Variants in CNTNAP3B observed in about 807,000 individuals in gnomAD.
CNTNAP3B encodes the protein contactin-associated protein-like 3B.
CNTNAP3B carries 25 observed loss-of-function variants against 108.9 expected under a neutral mutation model. The observed-to-expected ratio is 0.23, with a 90% CI of 0.17 to 0.32. The LOEUF is 0.32. Ranked by LOEUF, CNTNAP3B falls within the 10% of genes least tolerant of loss-of-function variation. CNTNAP3B has a pLI of 1.00. For synonymous variants in CNTNAP3B, 103 were observed against 473.4 expected, an observed-to-expected ratio of 0.22 and a Z score of 10.16; for missense variants, 252 against 1,210.4, an observed-to-expected ratio of 0.21 and a Z score of 11.75.
intron 9 of CNTNAP3B, chr9:41,979,782 T>C (rs1825589520): frequency 9.5e-6 from 1 of 105,426 alleles, no homozygotes; most frequent in Admixed American, 1.1e-4. Context: ...AGATACAGGG[T>C]TTCACCATTT....
At chr9:41,935,616 C>T (rs1321037300) in intron 14 of CNTNAP3B, among the ~76,000 whole-genome samples, 2 of 152,240 alleles carry the variant, frequency 1.3e-5, no homozygotes, top group Non-Finnish European at 2.9e-5. Flanking sequence ...ATTTCCCACC[C>T]CCATACACAC....
chr9:41,934,138 T>TACACACAC lies in CNTNAP3B; in HGVS notation c.2237+4105_2237+4106insGTGTGTGT, dbSNP rs1327013022. On this transcript the variant is annotated intron_variant, in intron 14 of 23. Coordinates refer to ENST00000377561, the MANE Select transcript of CNTNAP3B (RefSeq NM_001201380.3). ...ATATATATATACACACACATATATA[T>TACACACAC]ATACACACACATATATATACACACA... 1.2e-4 allele frequency among the ~76,000 whole-genome samples: 16 copies of TACACACAC among 135,512 alleles called. No individual in the cohort carries two copies. The South Asian group carries it at 3.1e-3, about 26-fold the overall frequency. The allele number at this position is 135,512 out of a possible 152,430, so 88.9% of individuals were successfully genotyped here. A position where few individuals can be genotyped will look rare whatever the true frequency, so the allele number is the denominator to read the frequency against.
rs924132248 is a variant in CNTNAP3B at position 41,925,548 on chromosome 9, C to G, written c.2366-1455G>C. On this transcript the variant is annotated intron_variant, in intron 15 of 23. Coordinates refer to ENST00000377561, the MANE Select transcript of CNTNAP3B (RefSeq NM_001201380.3). The stretch of plus-strand genomic sequence containing the variant: ...GCGGAGCTTGCAGTGAGCCGAGATC[C>G]TGCCACTGCACTCCAGCCTGCGCAA... Among the ~76,000 whole-genome samples the G allele has an allele frequency of 7.2e-5, 11 of 152,358 alleles. No homozygotes were observed. In the South Asian group the frequency reaches 8.3e-4, roughly 11 times the overall value.
intron 3 of CNTNAP3B, among the ~76,000 whole-genome samples, chr9:42,070,515 T>A (rs1367608617): frequency 7.0e-6 from 1 of 142,010 alleles, no homozygotes; most frequent in Non-Finnish European, 1.5e-5. Context: ...TCGCTGCCCA[T>A]CACTGGCTCA....
In CNTNAP3B at chr9:42,117,249, C is replaced by G. The variant is rs563884204; in HGVS notation, c.85+11761G>C. ...TCTTCTCAGCACCACATCACACTTA[C>G]TCCAAAATTGACCACATAGTTGGAA... On this transcript the variant is annotated intron_variant, in intron 1 of 23. Transcript: ENST00000377561. 7.2e-4 allele frequency among the ~76,000 whole-genome samples: 96 copies of G among 133,764 alleles called. 4 individuals carry two copies. The highest frequency in any genetic ancestry group is 3.5e-3 in the Middle Eastern group (1 of 288). The allele number at this position is 133,764 out of a possible 152,430, so 87.8% of individuals were successfully genotyped here.
rs1352806244 is a variant in CNTNAP3B at position 42,088,360 on chromosome 9, G to A, written c.197-11298C>T. On this transcript the variant is annotated intron_variant, in intron 2 of 23. Transcript: ENST00000377561. Reference sequence around the variant, plus strand: ...AAAAATAATTTTTAAAGTGACCCAAGAGAATCAGACCAGCCAAATATTTCT... The same window carrying A: ...AAAAATAATTTTTAAAGTGACCCAAAAGAATCAGACCAGCCAAATATTTCT... Among the ~76,000 whole-genome samples, 5 of 134,806 alleles carry A rather than the reference G, an allele frequency of 3.7e-5. 1 individual carries two copies. The highest frequency in any genetic ancestry group is 6.0e-5 in the African/African-American group (2 of 33,286). The allele number at this position is 134,806 out of a possible 152,430, so 88.4% of individuals were successfully genotyped here. A position where few individuals can be genotyped will look rare whatever the true frequency, so the allele number is the denominator to read the frequency against.
In CNTNAP3B at chr9:42,116,012, G is replaced by A. The variant is rs1373411901; in HGVS notation, c.86-11273C>T. On this transcript the variant is annotated intron_variant, in intron 1 of 23. Transcript: ENST00000377561. ...ATGGCTAACTAGAATAAACAGCGTA[G>A]AGAAGACCTTAAATGACCAGATGGA... Among the ~76,000 whole-genome samples, 7 of 139,052 alleles carry A rather than the reference G, an allele frequency of 5.0e-5. 2 individuals are homozygous for A. Among genetic ancestry groups the A allele is most frequent in the African/African-American group, 2.0e-4 (7 of 34,896 alleles). 91.2% of individuals were successfully genotyped at this position (139,052 alleles called of 152,430 possible).
At chr9:42,041,786 C>A (rs1324970804) in intron 3 of CNTNAP3B, among the ~76,000 whole-genome samples, 1 of 139,496 alleles carries the variant, frequency 7.2e-6, no homozygotes, top group African/African-American at 2.8e-5. Flanking sequence ...GACACATGCA[C>A]GTGTGTTTAT....
chr9:41,997,232 G>T (rs991710133), intron 6 of CNTNAP3B, among the ~76,000 whole-genome samples: 1 of 151,076 alleles, frequency 6.6e-6, no homozygotes, highest in African/African-American at 2.4e-5. Flanking sequence ...CCAGGAATCT[G>T]CATAGTCAAA....
At chr9:42,117,252 C>T (rs942814239) in intron 1 of CNTNAP3B, among the ~76,000 whole-genome samples, 1 of 133,610 alleles carries the variant, frequency 7.5e-6, no homozygotes, top group East Asian at 2.3e-4. Flanking sequence ...ACACTTACTC[C>T]AAAATTGACC....
chr9:42,119,190 C>CT lies in CNTNAP3B; in HGVS notation c.85+9819_85+9820insA, dbSNP rs1348827229. Among the ~76,000 whole-genome samples, 2 of 104,388 alleles carry CT rather than the reference C, an allele frequency of 1.9e-5. 1 individual carries two copies. Among genetic ancestry groups the CT allele is most frequent in the Non-Finnish European group, 3.9e-5 (2 of 51,734 alleles). The allele number at this position is 104,388 out of a possible 152,430, so 68.5% of individuals were successfully genotyped here. A position where few individuals can be genotyped will look rare whatever the true frequency, so the allele number is the denominator to read the frequency against. On this transcript the variant is annotated intron_variant, in intron 1 of 23. Coordinates refer to ENST00000377561, the MANE Select transcript of CNTNAP3B (RefSeq NM_001201380.3). ...AGCATTCTTATACACCAATAACAGA[C>CT]AAACAGAGAGCCAAATCATGAGTGA...
intron 13 of CNTNAP3B, among the ~76,000 whole-genome samples, chr9:41,938,993 G>A (rs564824238): frequency 3.1e-4 from 47 of 152,316 alleles, no homozygotes; most frequent in African/African-American, 1.1e-3. Context: ...AATTTCTCAT[G>A]CGAAGAAACA....
intron 1 of CNTNAP3B, among the ~76,000 whole-genome samples, chr9:42,121,746 GCTCA>G (rs1466983203): frequency 7.1e-6 from 1 of 140,028 alleles, no homozygotes; most frequent in Non-Finnish European, 1.5e-5. Flanking sequence ...ATAGGTAAGA[GCTCA>G]CTATTTCTTA....
intron 3 of CNTNAP3B, among the ~76,000 whole-genome samples, chr9:42,030,750 C>CAGAGAGACAGAGAGAGAG (rs1335836899): frequency 3.3e-5 from 2 of 60,436 alleles, no homozygotes; most frequent in African/African-American, 1.5e-4. Flanking sequence ...GAAAGAGATA[C>CAGAGAGACAGAGAGAGAG]AGAGAGAGAG....
chr9:42,117,153 C>G (rs1486516152), intron 1 of CNTNAP3B, among the ~76,000 whole-genome samples: 1 of 136,582 alleles, frequency 7.3e-6, no homozygotes, highest in Non-Finnish European at 1.6e-5. Context: ...AGGAATTGAA[C>G]TCAGCTCTGC....
rs1156343410 is a variant in CNTNAP3B, at chr9:42,093,099, C to G, written c.196+11530G>C. Among the ~76,000 whole-genome samples the G allele has an allele frequency of 2.0e-5, 2 of 97,684 alleles. 1 individual carries two copies. The highest frequency in any genetic ancestry group is 4.4e-5 in the Non-Finnish European group (2 of 45,944). The allele number at this position is 97,684 out of a possible 152,430, so 64.1% of individuals were successfully genotyped here. ...CGGTGGCTCACACCTGTAATCCCAGCACTTTGGGAGGCCAAGGTGGCCGAG... is the reference window on the plus strand; with the variant it reads ...CGGTGGCTCACACCTGTAATCCCAGGACTTTGGGAGGCCAAGGTGGCCGAG... On this transcript the variant is annotated intron_variant, in intron 2 of 23. Coordinates refer to ENST00000377561, the MANE Select transcript of CNTNAP3B (RefSeq NM_001201380.3).
At chr9:41,940,585 C>T (rs1178993594) in intron 13 of CNTNAP3B, among the ~76,000 whole-genome samples, 2 of 152,260 alleles carry the variant, frequency 1.3e-5, no homozygotes, top group African/African-American at 2.4e-5. Flanking sequence ...TTTCGGAGGC[C>T]GAGGTGGGCG....
intron 3 of CNTNAP3B, among the ~76,000 whole-genome samples, chr9:42,067,983 A>T (rs1365807638): frequency 2.2e-5 from 3 of 138,102 alleles, no homozygotes; most frequent in Non-Finnish European, 4.6e-5. Context: ...GAGATAATTT[A>T]TCACTATAGC....
chr9:41,947,061 A>C (rs1824548095), intron 13 of CNTNAP3B, among the ~76,000 whole-genome samples: 1 of 140,718 alleles, frequency 7.1e-6, no homozygotes, highest in African/African-American at 2.7e-5. Context: ...CCACAATTAT[A>C]GTACAGATTT....
Sources: gnomAD v4.1 joint callset for allele counts (sites outside exome capture counted in the v4.1 genomes callset) on GRCh38, gnomAD v4.1.1 for gene constraint, MANE v1.5 for transcripts, NCBI Gene and HGNC (gene_info 2026-07-23, HGNC 2026-07-21) for gene names.